Variants in PTPN2 observed in about 807,000 individuals in gnomAD.
PTPN2 encodes protein tyrosine phosphatase non-receptor type 2, also known as tyrosine-protein phosphatase non-receptor type 2.
PTPN2 carries 19 observed loss-of-function variants against 57.3 expected under a neutral mutation model. The ratio of observed to expected loss-of-function variants is 0.33; its 90% confidence interval spans 0.23 to 0.49. The LOEUF (loss-of-function observed/expected upper bound fraction) is 0.49. PTPN2 is among the 20% of genes least tolerant of loss of function. The probability of loss-of-function intolerance (pLI) is 0.99; values close to 1 mark genes in which losing one functional copy is unlikely to be tolerated. For missense variants in PTPN2, 358 were observed against 501.1 expected, an observed-to-expected ratio of 0.71 and a Z score of 2.73; for synonymous variants, 153 against 164.9, an observed-to-expected ratio of 0.93 and a Z score of 0.55.
intron 7 of PTPN2, among the ~76,000 whole-genome samples, chr18:12,802,593 T>A (rs1418226670): frequency 6.6e-6 from 1 of 152,132 alleles, no homozygotes; most frequent in South Asian, 2.1e-4. Flanking sequence ...AAGTCAGACA[T>A]AGAGAATTCT....
At chr18:12,873,533 G>T (rs968094980) in intron 1 of PTPN2, among the ~76,000 whole-genome samples, 1 of 152,200 alleles carries the variant, frequency 6.6e-6, no homozygotes, top group African/African-American at 2.4e-5. Context: ...CGAGTGATCC[G>T]CCAGCCTCGG....
intron 5 of PTPN2, among the ~76,000 whole-genome samples, chr18:12,820,876 T>C (rs1044062316): frequency 6.6e-6 from 1 of 152,226 alleles, no homozygotes. Flanking sequence ...TAAAAGAGAA[T>C]TCTAAATTTA....
At chr18:12,786,002 G>GT in intron 9 of PTPN2, 2 of 623,348 alleles carry the variant, frequency 3.2e-6, no homozygotes, top group Non-Finnish European at 5.5e-6. Flanking sequence ...GTGCTGCACT[G>GT]TTATCTTAGG....
At chr18:12,826,621 T>C (rs149891697) in intron 4 of PTPN2, among the ~76,000 whole-genome samples, 2 of 152,148 alleles carry the variant, frequency 1.3e-5, no homozygotes, top group East Asian at 3.9e-4. Flanking sequence ...CAGGCTGGAA[T>C]GCAGTGGCGT....
chr18:12,859,879 G>A (rs2043731201), intron 1 of PTPN2, among the ~76,000 whole-genome samples: 3 of 152,162 alleles, frequency 2.0e-5, no homozygotes, highest in South Asian at 4.1e-4. Flanking sequence ...CAAGCCTGGC[G>A]CAGTGGCTAA....
intron 8 of PTPN2, among the ~76,000 whole-genome samples, chr18:12,799,516 G>C (rs1489014592): frequency 6.6e-6 from 1 of 151,916 alleles, no homozygotes; most frequent in Non-Finnish European, 1.5e-5. Context: ...AAAAATTACT[G>C]GGACTGATTA....
chr18:12,824,915 A>G (rs1275960368), intron 5 of PTPN2, among the ~76,000 whole-genome samples: 1 of 151,946 alleles, frequency 6.6e-6, no homozygotes, highest in Non-Finnish European at 1.5e-5. Context: ...GCAAGACCCC[A>G]TCTCTATTAA....
chr18:12,826,101 T>G (rs1402643135), intron 4 of PTPN2, among the ~76,000 whole-genome samples, 157 bp from the exon 5 acceptor site: 1 of 152,224 alleles, frequency 6.6e-6, no homozygotes, highest in Non-Finnish European at 1.5e-5. Flanking sequence ...TAATGTATTT[T>G]AGTAAGATTG....
At chr18:12,837,659 T>C (rs1217753930) in intron 2 of PTPN2, among the ~76,000 whole-genome samples, 1 of 152,134 alleles carries the variant, frequency 6.6e-6, no homozygotes, top group Non-Finnish European at 1.5e-5. Flanking sequence ...CGGATGCATA[T>C]CACTGAATTA....
chr18:12,822,710 T>C (rs2042312899), intron 5 of PTPN2, among the ~76,000 whole-genome samples: 1 of 152,192 alleles, frequency 6.6e-6, no homozygotes, highest in African/African-American at 2.4e-5. Flanking sequence ...CGTGTTGAGA[T>C]TGGCTATCAG....
chr18:12,830,864 A>C, intron 4 of PTPN2, 79 bp downstream of exon 4: 1 of 1,102,214 alleles, frequency 9.1e-7, no homozygotes, highest in Non-Finnish European at 1.3e-6. Context: ...AGGAATGAAT[A>C]TTGGCCCCAA....
chr18:12,819,086 C>T (rs2042180681), intron 5 of PTPN2: 1 of 397,538 alleles, frequency 2.5e-6, no homozygotes, highest in Non-Finnish European at 4.4e-6. Context: ...GAGAGCGAAA[C>T]TCCATCTCAA....
chr18:12,872,629 T>C (rs1442301070), intron 1 of PTPN2, among the ~76,000 whole-genome samples: 1 of 151,892 alleles, frequency 6.6e-6, no homozygotes, highest in African/African-American at 2.4e-5. Flanking sequence ...ATCCTAGGGA[T>C]CACCAGGTGG....
chr18:12,828,364 G>C (rs2042551009), intron 4 of PTPN2, among the ~76,000 whole-genome samples: 2 of 152,202 alleles, frequency 1.3e-5, no homozygotes, highest in Non-Finnish European at 2.9e-5. Context: ...GTCTACAAGA[G>C]ATGTAAGGGA....
intron 2 of PTPN2, chr18:12,841,058 G>A: frequency 2.4e-6 from 3 of 1,229,992 alleles, no homozygotes; most frequent in African/African-American, 1.5e-5. Context: ...TTTTAAAAAG[G>A]AAAAAAGAAA....
chr18:12,863,367 G>A (rs2145487657), intron 1 of PTPN2: 1 of 152,160 alleles, frequency 6.6e-6, no homozygotes, highest in East Asian at 1.9e-4. Flanking sequence ...GCAGAGACAG[G>A]AGGATTGCTT....
intron 6 of PTPN2, 80 bp from the exon 7 acceptor site, chr18:12,814,435 T>C (rs764645902): frequency 5.1e-5 from 63 of 1,240,582 alleles, no homozygotes; most frequent in Non-Finnish European, 6.6e-5. Context: ...ATTGCTAAGA[T>C]TTTTGCTATG....
intron 7 of PTPN2, among the ~76,000 whole-genome samples, chr18:12,807,167 C>A (rs2041683558): frequency 6.6e-6 from 1 of 151,996 alleles, no homozygotes; most frequent in South Asian, 2.1e-4. Context: ...AAAGAGCCAA[C>A]AGATACATGA....
chr18:12,846,358 A>G (rs2043205555), intron 2 of PTPN2, among the ~76,000 whole-genome samples: 1 of 152,222 alleles, frequency 6.6e-6, no homozygotes, highest in South Asian at 2.1e-4. Context: ...TTCAATATTT[A>G]TTAGTTGGCA....
Sources: allele counts gnomAD v4.1 joint callset (sites outside exome capture counted in the v4.1 genomes callset), GRCh38; gene constraint gnomAD v4.1.1; transcripts MANE v1.5; gene names NCBI Gene and HGNC (gene_info 2026-07-23, HGNC 2026-07-21).